The following STK32C variants were observed in gnomAD, a reference collection of about 807,000 sequenced individuals.
STK32C encodes serine/threonine kinase 32C.
Under a neutral mutation model 56.5 loss-of-function variants are expected in STK32C, and 31 were observed. The observed-to-expected ratio is 0.55, with a 90% CI of 0.41 to 0.74. The LOEUF (loss-of-function observed/expected upper bound fraction) is 0.74. Ranked by LOEUF, STK32C falls within the 30% of genes least tolerant of loss-of-function variation. The probability of loss-of-function intolerance (pLI) is 0.00; values close to 1 mark genes in which losing one functional copy is unlikely to be tolerated. For synonymous variants in STK32C, 309 were observed against 289.4 expected (o/e 1.07, Z -0.69); for missense variants, 544 against 676.9 (o/e 0.80, Z 2.18).
At chr10:132,235,120 T>C (rs2063231019) in intron 2 of STK32C, among the ~76,000 whole-genome samples, 1 of 152,032 alleles carries the variant, frequency 6.6e-6, no homozygotes, top group Non-Finnish European at 1.5e-5. Context: ...GTGACTGGTA[T>C]GAACCGTGTG....
Position 132,222,737 on chromosome 10 carries a change from C to T in STK32C, c.1155G>A (p.Leu385=), listed in dbSNP as rs747036782. The T allele has an allele frequency of 1.2e-6, 2 of 1,609,438 alleles. No homozygotes were observed. Among genetic ancestry groups the T allele is most frequent in the Non-Finnish European group, 8.5e-7 (1 of 1,178,152 alleles). The change falls in exon 10 of 12, where the codon CTG becomes CTA. Residue 385 remains leucine, a synonymous_variant. Coordinates refer to ENST00000298630, the MANE Select transcript of STK32C (RefSeq NM_173575.4). Reference sequence around the variant, plus strand: ...GCCTGGACTCCAGGATCATCTCCTCCAGCTCAAAGGTGGGGTCGCAGTGCA... The same window carrying T: ...GCCTGGACTCCAGGATCATCTCCTCTAGCTCAAAGGTGGGGTCGCAGTGCA... ...GRLHCDPTFE[L]EEMILESRPL...
At chr10:132,251,965 C>A (rs1451228634) in intron 1 of STK32C, among the ~76,000 whole-genome samples, 1 of 144,096 alleles carries the variant, frequency 6.9e-6, no homozygotes, top group African/African-American at 2.7e-5. Flanking sequence ...ATGCCCTACG[C>A]CTCCTGGGGC....
intron 1 of STK32C, among the ~76,000 whole-genome samples, chr10:132,287,294 C>G (rs1400608825): frequency 6.6e-6 from 1 of 151,994 alleles, no homozygotes; most frequent in African/African-American, 2.4e-5. Context: ...AGTTCAAGAC[C>G]AGCCTGGCCA....
chr10:132,330,055 CAAT>C (rs1191212694), intron 1 of STK32C, among the ~76,000 whole-genome samples: 1 of 152,174 alleles, frequency 6.6e-6, no homozygotes, highest in Non-Finnish European at 1.5e-5. Flanking sequence ...CACAGCCACT[CAAT>C]AATCAGATCA....
rs1275706431 is a variant in STK32C, at chr10:132,307,837, C to G, written c.-4G>C. The G allele has an allele frequency of 8.9e-7, 1 of 1,129,350 alleles. No homozygotes were observed. The allele number at this position is 1,129,350 out of a possible 1,614,324, so 70.0% of individuals were successfully genotyped here. ...TGCGCTCGGCGCCACTCCTCATCGC[C>G]GGGTCTGGGTGCGCGCGGCAGCCGG... On this transcript the variant is annotated 5_prime_UTR_variant, in exon 1 of 12. Transcript: ENST00000298630. This position sits in a 1 kb window ranked among gnomAD's most constrained non-coding sequence, Gnocchi z 4.4.
chr10:132,245,635 G>A (rs1002647891), intron 2 of STK32C, among the ~76,000 whole-genome samples: 2 of 152,246 alleles, frequency 1.3e-5, no homozygotes, highest in African/African-American at 4.8e-5. Context: ...CTCCAGTTCA[G>A]CCAAAGCTGC....
rs1166138267 is a variant in STK32C at position 132,255,535 on chromosome 10, C to T, written c.263-9580G>A. On this transcript the variant is annotated intron_variant, in intron 1 of 11. Transcript: ENST00000298630. The surrounding 1 kb of genome is among the most constrained non-coding windows in gnomAD (Gnocchi z 4.6). ...AGAGACAGGCATGAGAGCCGCTGGG[C>T]AGGGGTGAGGAGGCTCCCGAGTTAC... is the stretch of plus-strand genomic sequence containing the variant. 1.3e-5 allele frequency among the ~76,000 whole-genome samples: 2 copies of T among 152,192 alleles called. No individual in the cohort carries two copies. Among genetic ancestry groups the T allele is most frequent in the South Asian group, 2.1e-4 (1 of 4,826 alleles).
downstream of STK32C, among the ~76,000 whole-genome samples, chr10:132,321,598 G>C (rs950679312): frequency 7.9e-5 from 12 of 152,200 alleles, no homozygotes; most frequent in African/African-American, 2.2e-4. Context: ...GGGAGGCCAA[G>C]GTGGGTGGAT....
intron 1 of STK32C, among the ~76,000 whole-genome samples, chr10:132,305,599 G>T (rs1162790221): frequency 6.6e-6 from 1 of 152,136 alleles, no homozygotes; most frequent in Admixed American, 6.5e-5. Flanking sequence ...GAAAGGGGTG[G>T]GACTCAGGGG....
chr10:132,230,600 C>G (rs1357486746), intron 2 of STK32C, among the ~76,000 whole-genome samples: 2 of 151,970 alleles, frequency 1.3e-5, no homozygotes, highest in African/African-American at 4.8e-5. Flanking sequence ...AAAATCCGGC[C>G]CTCACCCTCT....
At chr10:132,313,673 C>G (rs919920090) in intron 1 of STK32C, among the ~76,000 whole-genome samples, 2 of 152,076 alleles carry the variant, frequency 1.3e-5, no homozygotes, top group African/African-American at 4.8e-5. Context: ...AGCAGCCCTC[C>G]GGGCAGAACA....
At chr10:132,273,773 C>A (rs1228889034) in intron 1 of STK32C, among the ~76,000 whole-genome samples, 1 of 151,946 alleles carries the variant, frequency 6.6e-6, no homozygotes, top group African/African-American at 2.4e-5. Flanking sequence ...TGAATGAACA[C>A]ATGGTAAGTG....
rs2062148586 is a variant in STK32C at position 132,207,900 on chromosome 10, G to A, written c.*110C>T. 5.0e-6 allele frequency: 6 copies of A among 1,202,692 alleles called. No individual in the cohort carries two copies. Among genetic ancestry groups the A allele is most frequent in the Non-Finnish European group, 6.3e-6 (6 of 954,500 alleles). 74.5% of individuals were successfully genotyped at this position (1,202,692 alleles called of 1,614,324 possible). A position where few individuals can be genotyped will look rare whatever the true frequency, so the allele number is the denominator to read the frequency against. Reference sequence around the variant, plus strand: ...ATGTGTCCGGGGCACTGTGGGCACCGCCAGCCAGGCTGGGTGGGAACGTGA... The same window carrying A: ...ATGTGTCCGGGGCACTGTGGGCACCACCAGCCAGGCTGGGTGGGAACGTGA... On this transcript the variant is annotated 3_prime_UTR_variant, in exon 12 of 12. Transcript: ENST00000298630.
At chr10:132,329,963 CA>C (rs1488729342) in intron 1 of STK32C, among the ~76,000 whole-genome samples, 1 of 147,888 alleles carries the variant, frequency 6.8e-6, no homozygotes, top group Non-Finnish European at 1.5e-5. Flanking sequence ...AACTTCTCGG[CA>C]GGGTAGCAGC....
intron 4 of STK32C, among the ~76,000 whole-genome samples, chr10:132,226,581 A>G (rs1394416803): frequency 6.6e-6 from 1 of 152,178 alleles, no homozygotes; most frequent in Non-Finnish European, 1.5e-5. Flanking sequence ...GGCTGCTGGG[A>G]CGAGGTCCCC....
At chr10:132,233,318 T>C (rs1326669763) in intron 2 of STK32C, among the ~76,000 whole-genome samples, 3 of 152,088 alleles carry the variant, frequency 2.0e-5, no homozygotes, top group African/African-American at 7.2e-5. Flanking sequence ...TCTCTCACTC[T>C]CCTCCTGCCC....
chr10:132,234,182 C>T (rs948183289), intron 2 of STK32C, among the ~76,000 whole-genome samples: 2 of 152,126 alleles, frequency 1.3e-5, no homozygotes, highest in African/African-American at 4.8e-5. Flanking sequence ...GCCCTGGGAT[C>T]GAGGACCTGT....
chr10:132,252,223 G>C (rs919132726), intron 1 of STK32C, among the ~76,000 whole-genome samples: 2 of 152,250 alleles, frequency 1.3e-5, no homozygotes, highest in African/African-American at 4.8e-5. Flanking sequence ...GAAGGAGGGA[G>C]ACAACCTCCT....
intron 10 of STK32C, among the ~76,000 whole-genome samples, chr10:132,217,535 G>A (rs1300276461): frequency 1.3e-5 from 2 of 152,156 alleles, no homozygotes; most frequent in Non-Finnish European, 1.5e-5. Flanking sequence ...GTGAGGACAT[G>A]AGATTTTGGA....
Sources: allele counts gnomAD v4.1 joint callset (sites outside exome capture counted in the v4.1 genomes callset), GRCh38; gene constraint gnomAD v4.1.1; non-coding constraint Gnocchi (gnomAD v3.1); transcripts MANE v1.5; gene names NCBI Gene and HGNC (gene_info 2026-07-23, HGNC 2026-07-21).